Variants in CELF2 observed in about 807,000 individuals in gnomAD.
CELF2 encodes the protein CUGBP Elav-like family member 2, also known as CUG triplet repeat RNA-binding protein 2.
In CELF2, 8 loss-of-function variants were observed where a neutral mutation model predicts 62.6. That is an observed-to-expected ratio of 0.13 (90% CI 0.07 to 0.23). The LOEUF is 0.23. Ranked by LOEUF, CELF2 falls within the 10% of genes least tolerant of loss-of-function variation. CELF2 has a pLI of 1.00. For synonymous variants in CELF2, 258 were observed against 250.0 expected (o/e 1.03, Z -0.30); for missense variants, 333 against 671.0 (o/e 0.50, Z 5.56).
intron 1 of CELF2, among the ~76,000 whole-genome samples, chr10:10,863,720 G>A (rs1223595190): frequency 6.6e-6 from 1 of 152,134 alleles, no homozygotes; most frequent in Non-Finnish European, 1.5e-5. Flanking sequence ...GCCCTCATAA[G>A]TGACTTAGAC....
In CELF2 at chr10:11,260,882, T is replaced by C. The variant is rs1452186516; in HGVS notation, c.538+3010T>C. ...TTAAAAGCACAATTCTCTTTCATGC[T>C]ACCATTTTGCTTTCATTAAAGAATT... On this transcript the variant is annotated intron_variant, in intron 5 of 12. Coordinates refer to ENST00000633077, the MANE Select transcript of CELF2 (RefSeq NM_001326342.2). The surrounding 1 kb of genome is among the most constrained non-coding windows in gnomAD (Gnocchi z 4.2). Among the ~76,000 whole-genome samples, 1 of 152,234 alleles carries C rather than the reference T, an allele frequency of 6.6e-6. No homozygotes were observed. Among genetic ancestry groups the C allele is most frequent in the Non-Finnish European group, 1.5e-5 (1 of 68,042 alleles).
the CELF2 span, among the ~76,000 whole-genome samples, chr10:10,624,149 A>G: frequency 6.6e-6 from 1 of 152,250 alleles, no homozygotes; most frequent in African/African-American, 2.4e-5. Flanking sequence ...AAGGGTGACA[A>G]ACAGATCCCT....
intron 2 of CELF2, among the ~76,000 whole-genome samples, chr10:10,940,545 CTTTG>C (rs543475931): frequency 7.4e-4 from 112 of 152,258 alleles, no homozygotes; most frequent in South Asian, 3.5e-3. Context: ...ACACAAATGG[CTTTG>C]TTTATGTTCT....
chr10:11,253,422 T>C (rs1021689062), intron 4 of CELF2, among the ~76,000 whole-genome samples: 2 of 152,188 alleles, frequency 1.3e-5, no homozygotes, highest in African/African-American at 4.8e-5. Context: ...AAAGCCTCCA[T>C]TAAAAATAGG....
the CELF2 span, among the ~76,000 whole-genome samples, chr10:10,569,063 C>A: frequency 6.6e-6 from 1 of 152,068 alleles, no homozygotes; most frequent in African/African-American, 2.4e-5. Flanking sequence ...TGAAACAGAG[C>A]AGAAAACTAT....
At chr10:10,786,972 T>C in the CELF2 span, among the ~76,000 whole-genome samples, 8 of 151,812 alleles carry the variant, frequency 5.3e-5, no homozygotes. Context: ...CCTGTTTTCA[T>C]AGTGAACTCA....
rs533377816 is a variant in CELF2, at chr10:11,125,979, T to G, written c.75-39507T>G. 9.8e-4 allele frequency among the ~76,000 whole-genome samples: 149 copies of G among 152,334 alleles called. 2 individuals carry two copies. Among genetic ancestry groups the G allele is most frequent in the South Asian group, 8.7e-3 (42 of 4,830 alleles). On this transcript the variant is annotated intron_variant, in intron 1 of 12. Coordinates refer to ENST00000633077, the MANE Select transcript of CELF2 (RefSeq NM_001326342.2). Reference sequence around the variant, plus strand: ...GTCAACACACGCTTATAATTTTTAGTGTATTTCCTCAAATTGTCTTCCCAT... The same window carrying G: ...GTCAACACACGCTTATAATTTTTAGGGTATTTCCTCAAATTGTCTTCCCAT...
chr10:10,595,518 G>T, the CELF2 span, among the ~76,000 whole-genome samples: 1 of 152,158 alleles, frequency 6.6e-6, no homozygotes. Flanking sequence ...CTGAAACAAG[G>T]ATGGGGTGGA....
intron 1 of CELF2, among the ~76,000 whole-genome samples, chr10:10,881,236 A>G (rs558938099): frequency 4.7e-4 from 71 of 152,316 alleles, no homozygotes; most frequent in African/African-American, 1.6e-3. Context: ...ATAAATTTAC[A>G]TACATTTTCA....
the CELF2 span, among the ~76,000 whole-genome samples, chr10:10,769,198 G>A: frequency 6.6e-6 from 1 of 152,116 alleles, no homozygotes; most frequent in African/African-American, 2.4e-5. Context: ...CCCTTTTCCT[G>A]ATGAACTCAA....
At chr10:10,528,165 GTGT>G in the CELF2 span, among the ~76,000 whole-genome samples, 2 of 41,298 alleles carry the variant, frequency 4.8e-5, no homozygotes, top group Non-Finnish European at 1.3e-4. Flanking sequence ...TGTTTTGTGT[GTGT>G]GTGTGTGTGT....
At chr10:11,262,255 C>T (rs924819468) in intron 5 of CELF2, among the ~76,000 whole-genome samples, 26 of 152,224 alleles carry the variant, frequency 1.7e-4, no homozygotes, top group Non-Finnish European at 8.8e-5. Context: ...GATCAGAATA[C>T]AGGAATGGGC....
the CELF2 span, among the ~76,000 whole-genome samples, chr10:10,468,788 G>A: frequency 1.3e-5 from 2 of 151,946 alleles, no homozygotes; most frequent in African/African-American, 2.4e-5. Context: ...GTGAGTTTAT[G>A]TGGGTAACTA....
At chr10:11,027,868 C>T (rs2059483229) in intron 1 of CELF2, among the ~76,000 whole-genome samples, 1 of 152,240 alleles carries the variant, frequency 6.6e-6, no homozygotes, top group African/African-American at 2.4e-5. Flanking sequence ...ACCTGTCCCA[C>T]AGTATTACCG....
At chr10:10,724,426 C>T in the CELF2 span, among the ~76,000 whole-genome samples, 6 of 152,110 alleles carry the variant, frequency 3.9e-5, no homozygotes, top group Middle Eastern at 3.4e-3. Flanking sequence ...GAGGCCAAAG[C>T]GGGCAGATCA....
chr10:10,590,348 A>G, the CELF2 span, among the ~76,000 whole-genome samples: 1 of 152,242 alleles, frequency 6.6e-6, no homozygotes, highest in Non-Finnish European at 1.5e-5. Flanking sequence ...CATTTCACAG[A>G]GGTGCTTATG....
At chr10:11,127,611 T>C (rs1047704938) in intron 1 of CELF2, among the ~76,000 whole-genome samples, 3 of 152,322 alleles carry the variant, frequency 2.0e-5, no homozygotes, top group South Asian at 2.1e-4. Context: ...TGGTATCTCA[T>C]TGTGGTTTTG....
intron 1 of CELF2, among the ~76,000 whole-genome samples, chr10:10,834,911 T>C (rs913063203): frequency 5.3e-5 from 8 of 152,210 alleles, no homozygotes; most frequent in Non-Finnish European, 2.9e-5. Context: ...TCTGTCTCCC[T>C]GGGCTCCACA....
chr10:10,760,473 T>C, the CELF2 span, among the ~76,000 whole-genome samples: 1 of 152,224 alleles, frequency 6.6e-6, no homozygotes, highest in Non-Finnish European at 1.5e-5. Flanking sequence ...TTATTATTCG[T>C]GTATTTCCTT....
Sources: gnomAD v4.1 joint callset for allele counts (sites outside exome capture counted in the v4.1 genomes callset) on GRCh38, gnomAD v4.1.1 for gene constraint, Gnocchi (gnomAD v3.1) non-coding constraint, MANE v1.5 for transcripts, NCBI Gene and HGNC (gene_info 2026-07-23, HGNC 2026-07-21) for gene names.